Variants in RALGAPA1 observed in about 807,000 individuals in gnomAD.
RALGAPA1 encodes the protein ral GTPase-activating protein subunit alpha-1.
In RALGAPA1, 52 loss-of-function variants were observed where a neutral mutation model predicts 269.6. That is an observed-to-expected ratio of 0.19 (90% CI 0.15 to 0.24). RALGAPA1 has a LOEUF of 0.24. Ranked by LOEUF, RALGAPA1 falls within the 10% of genes least tolerant of loss-of-function variation. The pLI is 1.00. For missense variants in RALGAPA1, 1,917 were observed against 3,013.9 expected (o/e 0.64, Z 8.52); for synonymous variants, 817 against 1,008.3 (o/e 0.81, Z 3.60).
At chr14:35,554,536 C>T (rs954764912) in intron 39 of RALGAPA1, among the ~76,000 whole-genome samples, 4 of 150,854 alleles carry the variant, frequency 2.7e-5, no homozygotes, top group Non-Finnish European at 5.9e-5. Context: ...TTAGTAGAGA[C>T]GGGGTTTCAC....
At chr14:35,686,991 T>C (rs1454614686) in intron 18 of RALGAPA1, among the ~76,000 whole-genome samples, 4 of 152,246 alleles carry the variant, frequency 2.6e-5, no homozygotes, top group African/African-American at 7.2e-5. Context: ...TGTTTCTTTT[T>C]AGAGCCTTAA....
At chr14:35,801,987 T>C (rs901008555) in intron 1 of RALGAPA1, among the ~76,000 whole-genome samples, 1 of 152,204 alleles carries the variant, frequency 6.6e-6, no homozygotes, top group Non-Finnish European at 1.5e-5. Context: ...TGATTCTCTA[T>C]GAAAAATATC....
intron 15 of RALGAPA1, among the ~76,000 whole-genome samples, chr14:35,722,800 G>T (rs1231944874): frequency 3.3e-5 from 5 of 151,936 alleles, no homozygotes; most frequent in African/African-American, 1.2e-4. Context: ...AATAATTATT[G>T]TACACATTTT....
chr14:35,782,295 C>T (rs1298906892), intron 1 of RALGAPA1, among the ~76,000 whole-genome samples: 1 of 152,130 alleles, frequency 6.6e-6, no homozygotes, highest in East Asian at 1.9e-4. Context: ...CTGGAAACTA[C>T]AAAACATTAC....
At chr14:35,807,640 T>A (rs1203206256) in intron 1 of RALGAPA1, among the ~76,000 whole-genome samples, 1 of 152,176 alleles carries the variant, frequency 6.6e-6, no homozygotes, top group Non-Finnish European at 1.5e-5. Context: ...ATTGCAAGGA[T>A]TATCATAATT....
intron 19 of RALGAPA1, 101 bp downstream of exon 19, chr14:35,686,441 T>C: frequency 1.1e-6 from 1 of 875,924 alleles, no homozygotes; most frequent in Non-Finnish European, 1.6e-6. Context: ...TTATTTTGAA[T>C]AAAAATTCCC....
At chr14:35,587,599 T>A (rs1172562129) in intron 37 of RALGAPA1, among the ~76,000 whole-genome samples, 1 of 152,098 alleles carries the variant, frequency 6.6e-6, no homozygotes, top group South Asian at 2.1e-4. Flanking sequence ...AACCATCATT[T>A]TGAGCAAACT....
rs1337485089 is a variant in RALGAPA1 at position 35,684,913 on chromosome 14, T to C, written c.4294+16A>G. 3 of 1,609,300 alleles carry C rather than the reference T, an allele frequency of 1.9e-6. No homozygotes were observed. The highest frequency in any genetic ancestry group is 2.5e-6 in the Non-Finnish European group (3 of 1,178,238). ...ATCAACATAAAACATAGTATTCAAA[T>C]AGAAAAGATACTTGCTGTCAAATTT... On this transcript the variant is annotated intron_variant, in intron 20 of 41. Transcript: ENST00000680220.
intron 33 of RALGAPA1, among the ~76,000 whole-genome samples, chr14:35,628,666 G>C (rs2139636148): frequency 1.3e-5 from 2 of 152,256 alleles, no homozygotes; most frequent in Admixed American, 1.3e-4. Context: ...CCGGGAATCA[G>C]AATAAATTTA....
chr14:35,601,851 C>T (rs1436885238), intron 36 of RALGAPA1, among the ~76,000 whole-genome samples: 1 of 152,152 alleles, frequency 6.6e-6, no homozygotes, highest in Non-Finnish European at 1.5e-5. Flanking sequence ...GAAATCTCCT[C>T]TGTACAATTT....
chr14:35,804,593 A>C (rs1016531871), intron 1 of RALGAPA1, among the ~76,000 whole-genome samples: 2 of 150,904 alleles, frequency 1.3e-5, no homozygotes, highest in African/African-American at 4.9e-5. Context: ...AAATAAATAA[A>C]TAAATAAATA....
intron 1 of RALGAPA1, among the ~76,000 whole-genome samples, chr14:35,789,000 A>G (rs901239746): frequency 1.3e-5 from 2 of 152,194 alleles, no homozygotes; most frequent in Non-Finnish European, 2.9e-5. Context: ...AAGTCTAGGA[A>G]TATGAACATG....
intron 5 of RALGAPA1, 145 bp from the exon 6 acceptor site, chr14:35,761,151 G>A (rs977843556): frequency 5.5e-6 from 3 of 545,370 alleles, no homozygotes; most frequent in Non-Finnish European, 6.4e-6. Flanking sequence ...GAGGAGAAGA[G>A]AGACAGCATC....
At chr14:35,680,214 A>G (rs1014719307) in intron 21 of RALGAPA1, among the ~76,000 whole-genome samples, 2 of 152,056 alleles carry the variant, frequency 1.3e-5, no homozygotes, top group Admixed American at 6.6e-5. Context: ...TTTTATTATC[A>G]TTATTTTTTC....
rs2066237422 is a variant in RALGAPA1, at chr14:35,689,051, G to C, written c.3360C>G (p.Ser1120Arg). ...AGCTCCTTTTAGTTGGAGAAAGTTT[G>C]CTAGTACTTGTAACATGAGGCATTC... ...NRRMPHVTST[S>R]KLSPTKRSLS... The change falls in exon 18 of 42, where the codon AGC becomes AGG. Residue 1120 changes from serine to arginine, a missense_variant. By Grantham distance (110) the Ser-to-Arg change is moderately radical. Coordinates refer to ENST00000680220, the MANE Select transcript of RALGAPA1 (RefSeq NM_001346249.2). 1.6e-6 allele frequency: 2 copies of C among 1,235,846 alleles called. No homozygotes were observed. Among genetic ancestry groups the C allele is most frequent in the Non-Finnish European group, 2.0e-6 (2 of 990,194 alleles). The allele number at this position is 1,235,846 out of a possible 1,614,324, so 76.6% of individuals were successfully genotyped here. A position where few individuals can be genotyped will look rare whatever the true frequency, so the allele number is the denominator to read the frequency against.
intron 33 of RALGAPA1, among the ~76,000 whole-genome samples, chr14:35,631,085 T>C (rs976900015): frequency 6.6e-6 from 1 of 152,128 alleles, no homozygotes. Context: ...TTGAATCTAG[T>C]GTTTGCTTTC....
At chr14:35,612,846 G>A (rs1402411191) in intron 35 of RALGAPA1, among the ~76,000 whole-genome samples, 1 of 151,712 alleles carries the variant, frequency 6.6e-6, no homozygotes, top group African/African-American at 2.4e-5. Context: ...CCTAGGCAAG[G>A]TCTTTTTAAA....
chr14:35,735,498 G>A (rs536058575), intron 12 of RALGAPA1, among the ~76,000 whole-genome samples: 1 of 152,326 alleles, frequency 6.6e-6, no homozygotes, highest in African/African-American at 2.4e-5. Context: ...TGATATGTGG[G>A]AGCTAAGCTA....
intron 4 of RALGAPA1, chr14:35,767,019 TAA>T (rs2074215844): frequency 2.8e-6 from 1 of 362,600 alleles, no homozygotes; most frequent in Non-Finnish European, 5.4e-6. Flanking sequence ...GAAAAACAAG[TAA>T]AGTTTCCTGT....
Sources: gnomAD v4.1 joint callset for allele counts (sites outside exome capture counted in the v4.1 genomes callset) on GRCh38, gnomAD v4.1.1 for gene constraint, MANE v1.5 for transcripts, NCBI Gene and HGNC (gene_info 2026-07-23, HGNC 2026-07-21) for gene names.